The following SV2C variants were observed in gnomAD, a reference collection of about 807,000 sequenced individuals.
SV2C encodes the protein synaptic vesicle glycoprotein 2C.
SV2C carries 49 observed loss-of-function variants against 79.7 expected under a neutral mutation model. The observed-to-expected ratio is 0.61, with a 90% CI of 0.49 to 0.78. The LOEUF (loss-of-function observed/expected upper bound fraction) is 0.78. Among genes scored for constraint, SV2C ranks in the 30% least tolerant of loss-of-function variants. The pLI is 0.00. For missense variants in SV2C, 833 were observed against 912.9 expected (o/e 0.91, Z 1.13); for synonymous variants, 334 against 333.2 (o/e 1.00, Z -0.03).
At chr5:76,238,171 C>T (rs146520951) in intron 4 of SV2C, among the ~76,000 whole-genome samples, 6 of 152,110 alleles carry the variant, frequency 3.9e-5, no homozygotes, top group African/African-American at 1.4e-4. Context: ...ATTTTGATCT[C>T]CTCATTCCTA....
rs922112268 is a variant in SV2C at position 76,132,328 on chromosome 5, T to A, written c.578T>A (p.Leu193Gln). Residue 193 changes from leucine (L) to glutamine (Q), a missense_variant and splice_region_variant, in exon 2 of 13, where the codon CTA becomes CAA. Leu to Gln is a moderately radical substitution (Grantham distance 113). Transcript: ENST00000502798. ...LCIPNSGSGW[L>Q]GSIVYLGMMV... Reference sequence around the variant, plus strand: ...ATCCCAAATTCAGGATCTGGATGGCTAGGTGAGTGTGTGGTGTCAGTGAGG... The same window carrying A: ...ATCCCAAATTCAGGATCTGGATGGCAAGGTGAGTGTGTGGTGTCAGTGAGG... 6.2e-7 allele frequency: 1 copy of A among 1,608,572 alleles called. No homozygotes were observed.
the SV2C span, among the ~76,000 whole-genome samples, chr5:75,906,958 C>T: frequency 6.6e-6 from 1 of 152,170 alleles, no homozygotes; most frequent in African/African-American, 2.4e-5. Context: ...AGACAATTAT[C>T]CAGAACAAAA....
At chr5:76,023,859 T>C in the SV2C span, among the ~76,000 whole-genome samples, 4 of 151,830 alleles carry the variant, frequency 2.6e-5, no homozygotes, top group African/African-American at 9.7e-5. Flanking sequence ...TTATTGATAT[T>C]TTGGGCCAGA....
the SV2C span, among the ~76,000 whole-genome samples, chr5:75,876,210 A>T: frequency 6.6e-6 from 1 of 152,196 alleles, no homozygotes; most frequent in African/African-American, 2.4e-5. Context: ...AAAACATGGT[A>T]CATATACATC....
At chr5:76,122,733 G>A (rs1367628823) in intron 1 of SV2C, among the ~76,000 whole-genome samples, 1 of 151,896 alleles carries the variant, frequency 6.6e-6, no homozygotes, top group East Asian at 1.9e-4. Context: ...AGTGTGTAGA[G>A]GGAAATTTAT....
At chr5:75,949,795 CTT>C in the SV2C span, among the ~76,000 whole-genome samples, 3 of 152,004 alleles carry the variant, frequency 2.0e-5, no homozygotes, top group Non-Finnish European at 4.4e-5. Context: ...TCGGATATGT[CTT>C]TATCTGCAGT....
the SV2C span, among the ~76,000 whole-genome samples, chr5:76,008,464 G>T: frequency 6.6e-6 from 1 of 151,786 alleles, no homozygotes; most frequent in Non-Finnish European, 1.5e-5. Flanking sequence ...TTTTTTCCTC[G>T]CAACGAGTCC....
At chr5:76,266,650 A>G (rs528623981) in intron 4 of SV2C, among the ~76,000 whole-genome samples, 1 of 152,310 alleles carries the variant, frequency 6.6e-6, no homozygotes, top group South Asian at 2.1e-4. Context: ...TTACCAGAGC[A>G]TGAGGGTAGG....
the SV2C span, among the ~76,000 whole-genome samples, chr5:75,861,606 A>T: frequency 0.072 from 10,973 of 151,916 alleles, 892 homozygotes; most frequent in African/African-American, 0.2. Flanking sequence ...GATAAAAAAA[A>T]CATGGTACAT....
intron 12 of SV2C, among the ~76,000 whole-genome samples, chr5:76,323,416 G>A (rs1335235816): frequency 6.6e-6 from 1 of 152,210 alleles, no homozygotes. Flanking sequence ...GGAGAAATAG[G>A]AACACTTTTA....
At chr5:76,350,781 C>A (rs961888793) in intron 12 of SV2C, among the ~76,000 whole-genome samples, 12 of 151,960 alleles carry the variant, frequency 7.9e-5, no homozygotes. Flanking sequence ...TTTGGGAGGC[C>A]GAGGAAGGTG....
chr5:75,984,284 G>A, the SV2C span, among the ~76,000 whole-genome samples: 1 of 152,174 alleles, frequency 6.6e-6, no homozygotes, highest in Admixed American at 6.5e-5. Context: ...AATCTAATAA[G>A]TTGACAGAAA....
intron 4 of SV2C, among the ~76,000 whole-genome samples, chr5:76,254,796 T>C (rs1412980619): frequency 6.6e-6 from 1 of 152,208 alleles, no homozygotes; most frequent in East Asian, 1.9e-4. Context: ...TCTGTATTGC[T>C]TGCCACATAG....
the SV2C span, among the ~76,000 whole-genome samples, chr5:76,023,759 CTG>C: frequency 6.6e-6 from 1 of 151,474 alleles, no homozygotes; most frequent in South Asian, 2.1e-4. Context: ...ATAAATTACT[CTG>C]TAACTTTTTC....
chr5:75,975,207 C>T, the SV2C span, among the ~76,000 whole-genome samples: 3 of 152,100 alleles, frequency 2.0e-5, no homozygotes, highest in Non-Finnish European at 2.9e-5. Flanking sequence ...ATATGTGAGG[C>T]TTATTAAAGC....
intron 4 of SV2C, among the ~76,000 whole-genome samples, chr5:76,225,494 G>A (rs781770106): frequency 5.3e-5 from 8 of 152,160 alleles, no homozygotes; most frequent in Non-Finnish European, 1.2e-4. Context: ...GCAGTGGTCA[G>A]CCTTGAGATC....
At chr5:75,946,811 A>G in the SV2C span, among the ~76,000 whole-genome samples, 3 of 152,124 alleles carry the variant, frequency 2.0e-5, no homozygotes, top group Admixed American at 6.6e-5. Context: ...GGGAGTCAAA[A>G]GTACTGTTCT....
chr5:75,889,925 G>A, the SV2C span, among the ~76,000 whole-genome samples: 1 of 152,164 alleles, frequency 6.6e-6, no homozygotes, highest in African/African-American at 2.4e-5. Flanking sequence ...CAGGTGATTC[G>A]AATGTATAGT....
the SV2C span, among the ~76,000 whole-genome samples, chr5:75,934,000 A>G: frequency 6.6e-6 from 1 of 152,252 alleles, no homozygotes; most frequent in Non-Finnish European, 1.5e-5. Context: ...TTTAGGTAGT[A>G]GCAGACAGAG....
Sources: gnomAD v4.1 joint callset for allele counts (sites outside exome capture counted in the v4.1 genomes callset) on GRCh38, gnomAD v4.1.1 for gene constraint, MANE v1.5 for transcripts, NCBI Gene and HGNC (gene_info 2026-07-23, HGNC 2026-07-21) for gene names.